The following PTPRK variants were observed in gnomAD, a reference collection of about 807,000 sequenced individuals.
PTPRK encodes protein tyrosine phosphatase receptor type K, also known as receptor-type tyrosine-protein phosphatase kappa.
In PTPRK, 75 loss-of-function variants were observed where a neutral mutation model predicts 178.0. The observed-to-expected ratio is 0.42, with a 90% CI of 0.35 to 0.51. The LOEUF is 0.51. Ranked by LOEUF, PTPRK falls within the 20% of genes least tolerant of loss-of-function variation. The probability of loss-of-function intolerance (pLI) is 0.02; values close to 1 mark genes in which losing one functional copy is unlikely to be tolerated. For synonymous variants in PTPRK, 637 were observed against 620.6 expected, an observed-to-expected ratio of 1.03 and a Z score of -0.39; for missense variants, 1,441 against 1,797.8, an observed-to-expected ratio of 0.80 and a Z score of 3.59.
chr6:128,104,920 G>T (rs1267515821), intron 7 of PTPRK, among the ~76,000 whole-genome samples: 1 of 152,154 alleles, frequency 6.6e-6, no homozygotes, highest in African/African-American at 2.4e-5. Context: ...TTCCAAAGGT[G>T]AAAAGTCTTG....
chr6:128,048,129 C>G (rs769972086), intron 13 of PTPRK, among the ~76,000 whole-genome samples: 1 of 152,150 alleles, frequency 6.6e-6, no homozygotes, highest in African/African-American at 2.4e-5. Context: ...ATTACATCTA[C>G]GACGCTAAAC....
At chr6:128,147,410 C>T (rs1796651127) in intron 7 of PTPRK, among the ~76,000 whole-genome samples, 2 of 152,172 alleles carry the variant, frequency 1.3e-5, no homozygotes, top group African/African-American at 4.8e-5. Context: ...ATTCTTCTTT[C>T]AGGATAGACC....
At position 128,495,405 on chromosome 6, in the gene PTPRK, A is replaced by G. The variant is rs546997513; in HGVS notation, c.100+24854T>C. ...TAAAAAAGGAATTATGTGAACTGTA[A>G]GGAAAAGGTAATATGCAAATTTGTT... On this transcript the variant is annotated intron_variant, in intron 1 of 29. Transcript: ENST00000368226. Among the ~76,000 whole-genome samples, 3 of 152,328 alleles carry G rather than the reference A, an allele frequency of 2.0e-5. No homozygotes were observed. The South Asian group carries it at 6.2e-4, about 32-fold the overall frequency.
chr6:128,271,377 C>T (rs1039965377), intron 3 of PTPRK, among the ~76,000 whole-genome samples: 3 of 152,040 alleles, frequency 2.0e-5, no homozygotes, highest in African/African-American at 7.2e-5. Context: ...TAGACATGGT[C>T]CTCCTTGGTT....
intron 1 of PTPRK, among the ~76,000 whole-genome samples, chr6:128,464,955 G>T (rs1011829867): frequency 6.6e-6 from 1 of 151,106 alleles, no homozygotes; most frequent in Non-Finnish European, 1.5e-5. Context: ...TCTCTCCCGG[G>T]TTTGTTTTTT....
intron 7 of PTPRK, among the ~76,000 whole-genome samples, chr6:128,134,515 C>G (rs1217688461): frequency 6.6e-6 from 1 of 152,050 alleles, no homozygotes; most frequent in Non-Finnish European, 1.5e-5. Flanking sequence ...ATGTGATTAA[C>G]ACTTAAGCAG....
intron 1 of PTPRK, among the ~76,000 whole-genome samples, chr6:128,411,148 C>A (rs987512986): frequency 1.1e-4 from 16 of 152,138 alleles, no homozygotes; most frequent in African/African-American, 3.4e-4. Context: ...TCACCTCAGC[C>A]TCTCAAAGTA....
At chr6:128,388,376 A>G (rs1347509395) in intron 2 of PTPRK, among the ~76,000 whole-genome samples, 1 of 152,200 alleles carries the variant, frequency 6.6e-6, no homozygotes, top group Non-Finnish European at 1.5e-5. Context: ...CATAAGAAAA[A>G]ATCTGAATTA....
At chr6:128,130,837 A>G (rs954159128) in intron 7 of PTPRK, among the ~76,000 whole-genome samples, 1 of 149,680 alleles carries the variant, frequency 6.7e-6, no homozygotes, top group African/African-American at 2.6e-5. Flanking sequence ...AAGTACCGAT[A>G]TAAAAAAAAA....
chr6:128,416,407 G>A (rs928688158), intron 1 of PTPRK, among the ~76,000 whole-genome samples: 3 of 151,434 alleles, frequency 2.0e-5, no homozygotes, highest in African/African-American at 4.9e-5. Flanking sequence ...TTTGGGAGGC[G>A]GAGGCAGGCG....
At chr6:128,472,128 C>T (rs1850760803) in intron 1 of PTPRK, among the ~76,000 whole-genome samples, 1 of 152,084 alleles carries the variant, frequency 6.6e-6, no homozygotes, top group Non-Finnish European at 1.5e-5. Flanking sequence ...GCTGCTTCTT[C>T]CCTCCAGAGA....
chr6:128,104,557 G>A (rs1178765462), intron 7 of PTPRK, among the ~76,000 whole-genome samples: 3 of 152,256 alleles, frequency 2.0e-5, no homozygotes, highest in Middle Eastern at 3.4e-3. Flanking sequence ...TACTTGGTAC[G>A]TAATCATTGC....
chr6:128,419,789 T>G (rs1456079228), intron 1 of PTPRK, among the ~76,000 whole-genome samples: 2 of 152,206 alleles, frequency 1.3e-5, no homozygotes, highest in Non-Finnish European at 2.9e-5. Flanking sequence ...GAGGATCATA[T>G]GCTCTTTATG....
intron 6 of PTPRK, among the ~76,000 whole-genome samples, chr6:128,210,469 A>C (rs1807929569): frequency 6.6e-6 from 1 of 151,860 alleles, no homozygotes; most frequent in East Asian, 1.9e-4. Context: ...GGGGTGGGGA[A>C]TAAGAAGAAA....
At chr6:127,982,691 A>G (rs1284338397) in intron 24 of PTPRK, 140 bp downstream of exon 24, 4 of 626,360 alleles carry the variant, frequency 6.4e-6, no homozygotes, top group African/African-American at 5.5e-5. Flanking sequence ...TATAATATGT[A>G]TAATGAAAGA....
intron 2 of PTPRK, among the ~76,000 whole-genome samples, chr6:128,328,887 T>C (rs1457168762): frequency 6.6e-6 from 1 of 152,220 alleles, no homozygotes. Flanking sequence ...CAAATCTCTT[T>C]AGTATCTGTC....
intron 2 of PTPRK, among the ~76,000 whole-genome samples, chr6:128,352,597 C>T (rs1833345897): frequency 6.6e-6 from 1 of 152,024 alleles, no homozygotes; most frequent in African/African-American, 2.4e-5. Flanking sequence ...TCTAAAGTGC[C>T]ACGTACTCTC....
chr6:128,339,393 C>G (rs1831367250), intron 2 of PTPRK, among the ~76,000 whole-genome samples: 3 of 152,158 alleles, frequency 2.0e-5, no homozygotes, highest in Non-Finnish European at 4.4e-5. Context: ...ATATTCACCT[C>G]TTGACCCTCA....
At chr6:128,031,792 C>G (rs767894586) in intron 13 of PTPRK, among the ~76,000 whole-genome samples, 4 of 151,828 alleles carry the variant, frequency 2.6e-5, no homozygotes, top group African/African-American at 7.3e-5. Context: ...TTAAAGAACA[C>G]CAAAAGTTAA....
Sources: allele counts gnomAD v4.1 joint callset (sites outside exome capture counted in the v4.1 genomes callset), GRCh38; gene constraint gnomAD v4.1.1; transcripts MANE v1.5; gene names NCBI Gene and HGNC (gene_info 2026-07-23, HGNC 2026-07-21).